Variants in EP300 observed in about 807,000 individuals in gnomAD.
The protein encoded by EP300 is EP300 lysine acetyltransferase.
In EP300, 31 loss-of-function variants were observed where a neutral mutation model predicts 264.0. That is an observed-to-expected ratio of 0.12 (90% CI 0.09 to 0.16). EP300 has a LOEUF of 0.16. EP300 is among the 10% of genes least tolerant of loss of function. The pLI is 1.00. For synonymous variants in EP300, 1,340 were observed against 1,045.4 expected, an observed-to-expected ratio of 1.28 and a Z score of -5.44; for missense variants, 2,766 against 3,052.9, an observed-to-expected ratio of 0.91 and a Z score of 2.21.
Position 41,179,746 on chromosome 22 carries a change from T to C in EP300, c.*790T>C, listed in dbSNP as rs1187027814. 1 of 231,110 alleles carries C rather than the reference T, an allele frequency of 4.3e-6. No homozygotes were observed. The highest frequency in any genetic ancestry group is 8.6e-6 in the Non-Finnish European group (1 of 116,658). 14.3% of individuals were successfully genotyped at this position (231,110 alleles called of 1,614,324 possible). A position where few individuals can be genotyped will look rare whatever the true frequency, so the allele number is the denominator to read the frequency against. ...TGTTTCTTGAAAGAATTTTTTTCGTTATTTTTACATCTAACAAAGTAAAAA... is the reference window on the plus strand; with the variant it reads ...TGTTTCTTGAAAGAATTTTTTTCGTCATTTTTACATCTAACAAAGTAAAAA... On this transcript the variant is annotated 3_prime_UTR_variant, in exon 31 of 31. Coordinates refer to ENST00000263253, the MANE Select transcript of EP300 (RefSeq NM_001429.4).
chr22:41,168,490 G>A lies in EP300; in HGVS notation c.3916G>A (p.Val1306Met). 6.2e-7 allele frequency: 1 copy of A among 1,614,230 alleles called. No homozygotes were observed. Among genetic ancestry groups the A allele is most frequent in the East Asian group, 2.2e-5 (1 of 44,886 alleles). Residue 1306 changes from valine (V) to methionine (M), a missense_variant, in exon 24 of 31, where the codon GTG becomes ATG. Physicochemically the swap from Val to Met is conservative, Grantham distance 21. Transcript: ENST00000263253. ...ACTTGGCACCTTTCTAGAGAATCGT[G>A]TGAATGACTTTCTGAGGCGACAGAA... Reference protein sequence around the residue: ...TRLGTFLENRVNDFLRRQNHP... With the variant: ...TRLGTFLENRMNDFLRRQNHP...
intron 5 of EP300, 75 bp from the exon 6 acceptor site, chr22:41,131,313 T>C: frequency 6.7e-7 from 1 of 1,497,448 alleles, no homozygotes; most frequent in Non-Finnish European, 9.3e-7. Context: ...TTTTGTGGGG[T>C]TTTTTATTAG....
At chr22:41,147,238 G>GGAGTTTGCA (rs2059016305) in intron 11 of EP300, among the ~76,000 whole-genome samples, 1 of 151,242 alleles carries the variant, frequency 6.6e-6, no homozygotes, top group Non-Finnish European at 1.5e-5. Context: ...CCCAGGAGGC[G>GGAGTTTGCA]GAGTTTGCAG....
Position 41,176,844 on chromosome 22 carries a change from C to T in EP300, c.5133C>T (p.Gly1711=). The change falls in exon 31 of 31, where the codon GGC becomes GGT. Residue 1711 remains glycine, a synonymous_variant. Coordinates refer to ENST00000263253, the MANE Select transcript of EP300 (RefSeq NM_001429.4). ...HDHKMEKLGL[G]LDDESNNQQA... The stretch of plus-strand genomic sequence containing the variant: ...ACAAAATGGAGAAACTAGGCCTTGG[C>T]TTAGATGATGAGAGCAACAACCAGC... The T allele has an allele frequency of 6.2e-7, 1 of 1,614,094 alleles. No individual in the cohort carries two copies. The highest frequency in any genetic ancestry group is 1.1e-5 in the South Asian group (1 of 91,078).
chr22:41,131,452 T>A lies in EP300; in HGVS notation c.1347T>A (p.Ser449=). ...GCTCTCTAGGGGTGGGTCAACAGTCTGCCCCCAACCTAAGCACTGTTAGTC... is the reference window on the plus strand; with the variant it reads ...GCTCTCTAGGGGTGGGTCAACAGTCAGCCCCCAACCTAAGCACTGTTAGTC... ...NPSSLGVGQQ[S]APNLSTVSQI... is the part of the protein sequence containing the mutation. Residue 449 remains serine (S), a synonymous_variant, in exon 6 of 31, where the codon TCT becomes TCA. Transcript: ENST00000263253. 6.2e-7 allele frequency: 1 copy of A among 1,614,150 alleles called. No individual in the cohort carries two copies. The highest frequency in any genetic ancestry group is 8.5e-7 in the Non-Finnish European group (1 of 1,180,022).
intron 1 of EP300, among the ~76,000 whole-genome samples, chr22:41,103,394 G>T (rs1341901734): frequency 2.0e-5 from 3 of 152,178 alleles, no homozygotes; most frequent in Non-Finnish European, 4.4e-5. Context: ...TCTGCTGTCA[G>T]AGACTTCAGA....
chr22:41,105,393 T>C (rs1395989738), intron 1 of EP300, among the ~76,000 whole-genome samples: 1 of 151,580 alleles, frequency 6.6e-6, no homozygotes, highest in Admixed American at 6.6e-5. Context: ...TTTTGGGTTT[T>C]TTTGTTTGTT....
At chr22:41,105,766 A>G (rs1438335605) in intron 1 of EP300, among the ~76,000 whole-genome samples, 1 of 152,202 alleles carries the variant, frequency 6.6e-6, no homozygotes, top group Non-Finnish European at 1.5e-5. Context: ...TTTTGATGTC[A>G]TGATAGCAGG....
intron 16 of EP300, among the ~76,000 whole-genome samples, chr22:41,154,410 C>A (rs1234473597): frequency 4.5e-5 from 3 of 66,696 alleles, no homozygotes; most frequent in Non-Finnish European, 8.5e-5. Context: ...GAGATGGGGC[C>A]TCATTCTGTT....
At chr22:41,117,917 C>G (rs1327225963) in intron 2 of EP300, 96 bp downstream of exon 2, 1 of 1,570,246 alleles carries the variant, frequency 6.4e-7, no homozygotes, top group Admixed American at 1.8e-5. Context: ...GCAGTTTCCA[C>G]TATTACACGC....
rs2059067817 is a variant in EP300 at position 41,154,864 on chromosome 22, T to C, written c.3143-131T>C. The C allele has an allele frequency of 5.7e-6, 4 of 704,484 alleles. No individual in the cohort carries two copies. The South Asian group carries it at 6.1e-5, about 11-fold the overall frequency. The allele number at this position is 704,484 out of a possible 1,614,324, so 43.6% of individuals were successfully genotyped here. On this transcript the variant is annotated intron_variant, in intron 16 of 30. Coordinates refer to ENST00000263253, the MANE Select transcript of EP300 (RefSeq NM_001429.4). ...ATCAGTGATTGAGCCTGTAGTGATA[T>C]TTCCATGGGGACAGAGTGGTTAATT...
chr22:41,119,117 C>T (rs2058837323), intron 2 of EP300, among the ~76,000 whole-genome samples: 1 of 149,844 alleles, frequency 6.7e-6, no homozygotes, highest in Admixed American at 6.7e-5. Flanking sequence ...GTCTTCTCGC[C>T]TCAGCCTCCT....
chr22:41,119,184 T>TACTA (rs1186533973), intron 2 of EP300, among the ~76,000 whole-genome samples: 1 of 115,146 alleles, frequency 8.7e-6, no homozygotes, highest in Non-Finnish European at 1.7e-5. Context: ...TATTTTTTTT[T>TACTA]TTTTTTTTTT....
At chr22:41,130,050 C>G (rs1269593570) in intron 5 of EP300, 47 bp downstream of exon 5, 1 of 1,374,162 alleles carries the variant, frequency 7.3e-7, no homozygotes, top group Non-Finnish European at 1.0e-6. Context: ...GTTTTAAAGT[C>G]TCACCAGTGC....
intron 2 of EP300, among the ~76,000 whole-genome samples, chr22:41,125,451 C>A (rs1243152389): frequency 6.6e-6 from 1 of 151,484 alleles, no homozygotes; most frequent in Non-Finnish European, 1.5e-5. Context: ...ATTTTGGTAC[C>A]GATGGGTTTT....
At chr22:41,136,033 G>T (rs2058948767) in intron 7 of EP300, 127 bp downstream of exon 7, 3 of 777,912 alleles carry the variant, frequency 3.9e-6, no homozygotes, top group Non-Finnish European at 6.7e-6. Flanking sequence ...AGATGTTTGA[G>T]TCCATTCTTT....
At chr22:41,174,626 C>T (rs970386946) in intron 29 of EP300, 1 of 151,700 alleles carries the variant, frequency 6.6e-6, no homozygotes, top group Non-Finnish European at 1.5e-5. Flanking sequence ...TAACGAAAGC[C>T]AGGAGAATTG....
At chr22:41,172,870 C>T (rs2059178758) in intron 28 of EP300, among the ~76,000 whole-genome samples, 2 of 152,134 alleles carry the variant, frequency 1.3e-5, no homozygotes, top group Non-Finnish European at 2.9e-5. Flanking sequence ...TTTAAAATGG[C>T]ATCTCAGACT....
intron 13 of EP300, 66 bp from the exon 14 acceptor site, chr22:41,149,695 G>C: frequency 1.3e-6 from 2 of 1,495,918 alleles, no homozygotes; most frequent in Non-Finnish European, 1.9e-6. Context: ...TATATATCAT[G>C]CCTATGTAAG....
Sources: gnomAD v4.1 joint callset for allele counts (sites outside exome capture counted in the v4.1 genomes callset) on GRCh38, gnomAD v4.1.1 for gene constraint, MANE v1.5 for transcripts, NCBI Gene and HGNC (gene_info 2026-07-23, HGNC 2026-07-21) for gene names.